Variants in TTC23L observed in about 807,000 individuals in gnomAD.
The protein encoded by TTC23L is tetratricopeptide repeat domain 23 like.
In TTC23L, 42 loss-of-function variants were observed where a neutral mutation model predicts 48.1. That is an observed-to-expected ratio of 0.87 (90% CI 0.68 to 1.13). The LOEUF (loss-of-function observed/expected upper bound fraction) is 1.13, where lower values mean the gene tolerates loss of function less well. Among genes scored for constraint, TTC23L ranks in the 50% most tolerant of loss-of-function variants. The pLI is 0.00. For missense variants in TTC23L, 391 were observed against 421.0 expected (o/e 0.93, Z 0.62); for synonymous variants, 159 against 157.2 (o/e 1.01, Z -0.09).
At chr5:34,900,947 C>T (rs1214019214), downstream of TTC23L, among the ~76,000 whole-genome samples, 1 of 152,208 alleles carries the variant, frequency 6.6e-6, no homozygotes, top group Non-Finnish European at 1.5e-5. Context: ...GATTGCAGTA[C>T]AGTACGTACT....
intron 4 of TTC23L, among the ~76,000 whole-genome samples, chr5:34,860,127 G>T (rs888410556): frequency 6.6e-6 from 1 of 152,020 alleles, no homozygotes; most frequent in African/African-American, 2.4e-5. Context: ...GATTACAGGC[G>T]TGAGCCACTG....
chr5:34,897,266 TC>T (rs2111868733), intron 10 of TTC23L, among the ~76,000 whole-genome samples: 1 of 152,092 alleles, frequency 6.6e-6, no homozygotes, highest in East Asian at 1.9e-4. Flanking sequence ...GCGCCTGTAG[TC>T]CCAGTTACTC....
chr5:34,850,261 G>C, exon 4 of TTC23L: 5 of 1,613,938 alleles, frequency 3.1e-6, no homozygotes, highest in Non-Finnish European at 4.2e-6. Context: ...CACTGGAAAT[G>C]TGCACGAGCT....
At chr5:34,859,840 C>CTTTTTTTTTTTTTTTTTTTT (rs10590697) in intron 4 of TTC23L, among the ~76,000 whole-genome samples, 9 of 95,360 alleles carry the variant, frequency 9.4e-5, no homozygotes, top group East Asian at 3.2e-4. Context: ...TTTTCTTCTT[C>CTTTTTTTTTTTTTTTTTTTT]TTTTTTTTTT....
At position 34,840,743 on chromosome 5, in the gene TTC23L, AG is replaced by A; in HGVS notation, c.68+5del. ...ACTGGGATTTCTGCTTCCATATGTA[AG>A]TATCACAGCATTTTGACATCACAGG... On this transcript the variant is annotated splice_donor_5th_base_variant and intron_variant, in intron 2 of 10. Coordinates refer to ENST00000505624, the Ensembl canonical transcript of TTC23L. 1 of 1,613,260 alleles carries A rather than the reference AG, an allele frequency of 6.2e-7. No individual in the cohort carries two copies. Among genetic ancestry groups the A allele is most frequent in the Non-Finnish European group, 8.5e-7 (1 of 1,179,242 alleles).
downstream of TTC23L, among the ~76,000 whole-genome samples, chr5:34,903,384 AC>A (rs1209037088): frequency 1.3e-5 from 2 of 152,038 alleles, no homozygotes; most frequent in Non-Finnish European, 2.9e-5. Flanking sequence ...TTTCCCATTT[AC>A]CCCCTACCTG....
chr5:34,864,636 T>G, intron 6 of TTC23L, 74 bp downstream of exon 6: 1 of 1,461,510 alleles, frequency 6.8e-7, no homozygotes, highest in Non-Finnish European at 9.1e-7. Flanking sequence ...GGGAGAAAAA[T>G]ATTTAGAGCA....
chr5:34,889,356 C>A (rs1762716304), intron 9 of TTC23L, among the ~76,000 whole-genome samples: 1 of 152,086 alleles, frequency 6.6e-6, no homozygotes, highest in Non-Finnish European at 1.5e-5. Flanking sequence ...TGTGTTTTTC[C>A]CTGAGAGCCC....
intron 4 of TTC23L, 120 bp from the exon 5 acceptor site, chr5:34,862,778 C>T: frequency 1.7e-6 from 2 of 1,158,716 alleles, no homozygotes; most frequent in Non-Finnish European, 2.4e-6. Flanking sequence ...ATTTAGGAAC[C>T]AATGCTATAG....
chr5:34,900,756 T>C (rs1763488304), downstream of TTC23L, among the ~76,000 whole-genome samples: 1 of 152,270 alleles, frequency 6.6e-6, no homozygotes. Context: ...ATGAGGTTTA[T>C]GGTGCACTAA....
chr5:34,883,049 GAAAC>G (rs535244689), intron 9 of TTC23L: 147 of 152,748 alleles, frequency 9.6e-4, no homozygotes, highest in African/African-American at 3.4e-3. Flanking sequence ...AAACAAACCA[GAAAC>G]AAACAAACAA....
the TTC23L span, chr5:34,922,868 T>G: frequency 1.5e-6 from 2 of 1,302,534 alleles, no homozygotes; most frequent in East Asian, 4.6e-5. Flanking sequence ...CACCCCCACC[T>G]TGGTTTTATG....
chr5:34,911,791 A>G, the TTC23L span: 4 of 1,614,194 alleles, frequency 2.5e-6, no homozygotes, highest in Non-Finnish European at 3.4e-6. Flanking sequence ...TTGGTAACAC[A>G]TTCGAAGTGC....
At chr5:34,915,277 C>T in the TTC23L span, 1 of 278,506 alleles carries the variant, frequency 3.6e-6, no homozygotes, top group Non-Finnish European at 6.8e-6. Flanking sequence ...AGCCCCGCCT[C>T]CAACAAAACA....
At chr5:34,915,843 A>C in the TTC23L span, 5 of 1,568,698 alleles carry the variant, frequency 3.2e-6, no homozygotes. Context: ...GGCACGCCAC[A>C]GCAGAGGAGG....
chr5:34,846,186 A>G (rs556280657), intron 3 of TTC23L, among the ~76,000 whole-genome samples: 4 of 152,156 alleles, frequency 2.6e-5, no homozygotes, highest in South Asian at 4.2e-4. Context: ...CTGTGTCTCT[A>G]AGAAAATAAA....
At chr5:34,925,626 C>T in the TTC23L span, 1 of 704,470 alleles carries the variant, frequency 1.4e-6, no homozygotes, top group African/African-American at 1.8e-5. Context: ...AAATTAAGAT[C>T]TTAAAATCAG....
intron 2 of TTC23L, among the ~76,000 whole-genome samples, chr5:34,843,666 C>CT (rs201554364): frequency 2.0e-5 from 3 of 149,270 alleles, no homozygotes; most frequent in Non-Finnish European, 3.0e-5. Flanking sequence ...GATATGATCT[C>CT]TTTTTTTTTT....
intron 9 of TTC23L, among the ~76,000 whole-genome samples, chr5:34,881,702 A>C (rs545324691): frequency 1.3e-5 from 2 of 152,220 alleles, no homozygotes; most frequent in South Asian, 2.1e-4. Flanking sequence ...GTAAAGACAA[A>C]AACCTTATAA....
Sources: gnomAD v4.1 joint callset for allele counts (sites outside exome capture counted in the v4.1 genomes callset) on GRCh38, gnomAD v4.1.1 for gene constraint, MANE v1.5 for transcripts, NCBI Gene and HGNC (gene_info 2026-07-23, HGNC 2026-07-21) for gene names.